SETD2: variants seen among roughly 807,000 people sequenced by gnomAD.
SETD2 encodes SET domain containing 2, histone lysine methyltransferase.
Under a neutral mutation model 242.1 loss-of-function variants are expected in SETD2, and 31 were observed. The observed-to-expected ratio is 0.13, with a 90% CI of 0.10 to 0.17. SETD2 has a LOEUF of 0.17. SETD2 is among the 10% of genes least tolerant of loss of function. The probability of loss-of-function intolerance (pLI) is 1.00; values close to 1 mark genes in which losing one functional copy is unlikely to be tolerated. For missense variants in SETD2, 2,481 were observed against 3,046.3 expected (o/e 0.81, Z 4.37); for synonymous variants, 1,006 against 1,066.5 (o/e 0.94, Z 1.11).
At chr3:47,097,115 T>C (rs368497401) in intron 9 of SETD2, among the ~76,000 whole-genome samples, 2 of 152,190 alleles carry the variant, frequency 1.3e-5, no homozygotes, top group Non-Finnish European at 2.9e-5. Context: ...TTATGAGTAT[T>C]AAGTTCCTGA....
rs2106701303 is a variant in SETD2 at position 47,123,335 on chromosome 3, T to C, written c.1301A>G (p.Tyr434Cys). The part of the protein sequence containing the change: ...RSHYYDSDRR[Y>C]HRSSPYRERT... ...CTCTCGATAAGGGGAGCTCCTATGG[T>C]AGCGACGATCAGAGTCATAATAATG... Residue 434 changes from tyrosine to cysteine, a missense_variant, in exon 3 of 21, where the codon TAC (tyrosine) becomes TGC (cysteine). Tyr to Cys is a radical substitution (Grantham distance 194, BLOSUM62 -2). This residue lies in a region of SETD2 where 1,300 missense variants were observed against 1,259.2 expected (regional missense o/e 1.03). Transcript: ENST00000409792. 6.4e-7 allele frequency: 1 copy of C among 1,551,710 alleles called. No homozygotes were observed. The highest frequency in any genetic ancestry group is 1.2e-5 in the South Asian group (1 of 84,068).
At chr3:47,118,323 A>G (rs2042941655) in intron 3 of SETD2, among the ~76,000 whole-genome samples, 1 of 152,240 alleles carries the variant, frequency 6.6e-6, no homozygotes, top group Non-Finnish European at 1.5e-5. Context: ...GCCCTTTTCC[A>G]TTAAACATAA....
intron 17 of SETD2, among the ~76,000 whole-genome samples, chr3:47,041,999 T>C (rs1325629329): frequency 2.6e-5 from 4 of 152,192 alleles, no homozygotes. Flanking sequence ...CTGATACTTA[T>C]ACAATATTAG....
intron 18 of SETD2, among the ~76,000 whole-genome samples, chr3:47,033,503 G>GT (rs2038867093): frequency 6.6e-6 from 1 of 152,148 alleles, no homozygotes; most frequent in South Asian, 2.1e-4. Flanking sequence ...GGGAATGTGT[G>GT]TATCTCCTAA....
At position 47,047,437 on chromosome 3, in the gene SETD2, T is replaced by C. The variant is rs987945136; in HGVS notation, c.6964-816A>G. Among the ~76,000 whole-genome samples the C allele has an allele frequency of 3.9e-5, 6 of 152,198 alleles. No homozygotes were observed. In the South Asian group the frequency reaches 1.0e-3, roughly 26 times the overall value. On this transcript the variant is annotated intron_variant, in intron 15 of 20. Coordinates refer to ENST00000409792, the MANE Select transcript of SETD2 (RefSeq NM_014159.7). ...ATAGCCTTGCTGTCCTAAGAGGTGGTGACTGTTAAGGAATTGAATAGACAT... is the reference window on the plus strand; with the variant it reads ...ATAGCCTTGCTGTCCTAAGAGGTGGCGACTGTTAAGGAATTGAATAGACAT...
intron 8 of SETD2, 73 bp downstream of exon 8, chr3:47,101,385 A>C: frequency 1.3e-6 from 1 of 773,204 alleles, no homozygotes; most frequent in Non-Finnish European, 2.2e-6. Flanking sequence ...TTTATATTAA[A>C]GTTTTATATC....
At chr3:47,144,828 G>A (rs559899804) in intron 1 of SETD2, among the ~76,000 whole-genome samples, 52 of 151,472 alleles carry the variant, frequency 3.4e-4, no homozygotes, top group African/African-American at 1.2e-3. Flanking sequence ...GCACACACCC[G>A]TAATCCCAGC....
chr3:47,030,242 TA>T (rs1227763112), intron 18 of SETD2, among the ~76,000 whole-genome samples: 4 of 152,028 alleles, frequency 2.6e-5, no homozygotes, highest in African/African-American at 4.8e-5. Context: ...TTAAAACTAT[TA>T]AAAAATATGC....
At chr3:47,056,766 T>G (rs1198276109) in intron 15 of SETD2, 55 bp downstream of exon 15, 2 of 1,435,870 alleles carry the variant, frequency 1.4e-6, no homozygotes, top group African/African-American at 1.4e-5. Context: ...CAGATTTAAC[T>G]AACATCCCAT....
intron 1 of SETD2, among the ~76,000 whole-genome samples, chr3:47,160,054 T>C (rs1266231484): frequency 1.3e-5 from 2 of 151,894 alleles, no homozygotes; most frequent in Non-Finnish European, 2.9e-5. Flanking sequence ...ATTCTAGCCA[T>C]AATGGGCAAA....
intron 9 of SETD2, among the ~76,000 whole-genome samples, chr3:47,094,198 A>G (rs1028035960): frequency 4.6e-5 from 7 of 152,200 alleles, no homozygotes; most frequent in African/African-American, 1.7e-4. Flanking sequence ...TTCGTACCAT[A>G]AACTACAAAT....
intron 15 of SETD2, among the ~76,000 whole-genome samples, chr3:47,053,237 A>G (rs2039924744): frequency 6.6e-6 from 1 of 152,180 alleles, no homozygotes; most frequent in Non-Finnish European, 1.5e-5. Context: ...AGAAGGTCCA[A>G]TAGGTTATAG....
rs2106687812 is a variant in SETD2 at position 47,122,802 on chromosome 3, C to G, written c.1834G>C (p.Ala612Pro). The G allele has an allele frequency of 1.2e-6, 2 of 1,613,216 alleles. No homozygotes were observed. Among genetic ancestry groups the G allele is most frequent in the Admixed American group, 1.7e-5 (1 of 59,856 alleles). The change falls in exon 3 of 21, where the codon GCT (alanine) becomes CCT (proline). Residue 612 changes from alanine (A) to proline (P), a missense_variant. Physicochemically the swap from Ala to Pro is conservative, Grantham distance 27 (BLOSUM62 -1). Coordinates refer to ENST00000409792, the MANE Select transcript of SETD2 (RefSeq NM_014159.7). The part of the protein sequence containing the change: ...MINKNPEREK[A>P]GSPAPSNRLN... ...CGATTTGATGGAGCTGGAGACCCAG[C>G]CTTTTCTCTTTCAGGATTTTTATTA...
intron 18 of SETD2, among the ~76,000 whole-genome samples, chr3:47,037,015 AGTT>A (rs1158677903): frequency 7.1e-6 from 1 of 141,806 alleles, no homozygotes; most frequent in East Asian, 2.2e-4. Flanking sequence ...ATGAGTAAGT[AGTT>A]AGTATGCATC....
intron 18 of SETD2, among the ~76,000 whole-genome samples, chr3:47,035,446 C>A (rs1476043416): frequency 6.6e-6 from 1 of 152,218 alleles, no homozygotes; most frequent in Admixed American, 6.5e-5. Context: ...TAGCATGGCA[C>A]ATAAGCTGCC....
At chr3:47,098,442 T>G (rs1261271939) in intron 8 of SETD2, 1 of 170,078 alleles carries the variant, frequency 5.9e-6, no homozygotes, top group Non-Finnish European at 1.3e-5. Context: ...AAATGTTTAA[T>G]TGGCACATAG....
In SETD2 at chr3:47,124,035, T is replaced by C. The variant is rs1460567034; in HGVS notation, c.601A>G (p.Thr201Ala). 4 of 1,552,048 alleles carry C rather than the reference T, an allele frequency of 2.6e-6. No individual in the cohort carries two copies. The highest frequency in any genetic ancestry group is 1.2e-5 in the South Asian group (1 of 84,064). ...PPPPPPAQAT[T>A]LSSPAPVTEP... ...GTTACTGGTGCTGGTGATGAGAGTG[T>C]TGTGGCTTGGGCAGGTGGAGGCGGT... Residue 201 changes from threonine to alanine, a missense_variant, in exon 3 of 21, where the codon ACA becomes GCA. Around this residue, in one of 17 missense-constraint regions of SETD2, gnomAD observed 334 missense variants for 374.5 expected, o/e 0.89. Transcript: ENST00000409792.
At position 47,130,882 on chromosome 3, in the gene SETD2, C is replaced by A. The variant is rs368549779; in HGVS notation, c.72-4219G>T. On this transcript the variant is annotated intron_variant, in intron 1 of 20. Coordinates refer to ENST00000409792, the MANE Select transcript of SETD2 (RefSeq NM_014159.7). ...TATATTTAAAGAATCCATATCAACA[C>A]GAAGATAAATCTCTATTAGGTCACA... 2.4e-4 allele frequency among the ~76,000 whole-genome samples: 37 copies of A among 152,024 alleles called. 1 individual carries two copies. The highest frequency in any genetic ancestry group is 4.6e-4 in the Admixed American group (7 of 15,284).
chr3:47,153,245 C>T (rs1445501965), intron 1 of SETD2, among the ~76,000 whole-genome samples: 1 of 152,114 alleles, frequency 6.6e-6, no homozygotes, highest in Non-Finnish European at 1.5e-5. Flanking sequence ...AGCTAAGAGA[C>T]TCAAATACAA....
Sources: allele counts gnomAD v4.1 joint callset (sites outside exome capture counted in the v4.1 genomes callset), GRCh38; gene constraint gnomAD v4.1.1; regional missense constraint gnomAD v4.1.1; transcripts MANE v1.5; gene names NCBI Gene and HGNC (gene_info 2026-07-23, HGNC 2026-07-21).